The following DDX31 variants were observed in gnomAD, a reference collection of about 807,000 sequenced individuals.
The protein encoded by DDX31 is ATP-dependent DNA helicase DDX31.
A neutral mutation model predicts 91.3 loss-of-function variants in DDX31; 70 were observed. That is an observed-to-expected ratio of 0.77 (90% CI 0.63 to 0.94). DDX31 has a LOEUF of 0.94. Ranked by LOEUF, DDX31 falls within the 40% of genes least tolerant of loss-of-function variation. The pLI is 0.00. For missense variants in DDX31, 902 were observed against 925.0 expected, an observed-to-expected ratio of 0.98 and a Z score of 0.32; for synonymous variants, 362 against 350.6, an observed-to-expected ratio of 1.03 and a Z score of -0.36.
rs76450890 is a variant in DDX31, at chr9:132,619,936, C to T, written c.1714-1495G>A. Among the ~76,000 whole-genome samples the T allele has an allele frequency of 4.7e-3, 705 of 151,428 alleles. 5 individuals are homozygous for T. Among genetic ancestry groups the T allele is most frequent in the African/African-American group, 0.016 (660 of 41,200 alleles). ...TTAGCGAGGATGCCCTTTCCCCTGG[C>T]GGACAGAATCCTCTGTTATTAAAAA... On this transcript the variant is annotated intron_variant, in intron 17 of 19. Coordinates refer to ENST00000372159, the MANE Select transcript of DDX31 (RefSeq NM_022779.9).
rs1321495760 is a variant in DDX31 at position 132,593,650 on chromosome 9, C to T, written c.*1216G>A. The T allele has an allele frequency of 6.6e-6, 1 of 152,274 alleles. No homozygotes were observed. The highest frequency in any genetic ancestry group is 1.9e-4 in the East Asian group (1 of 5,174). 9.4% of individuals were successfully genotyped at this position (152,274 alleles called of 1,614,324 possible). On this transcript the variant is annotated 3_prime_UTR_variant, in exon 20 of 20. Coordinates refer to ENST00000372159, the MANE Select transcript of DDX31 (RefSeq NM_022779.9). ...GCCAGTGTGGGTGCCCACTGACATT[C>T]ACCTGTGTCTAGAACGGAGGCAAGG...
chr9:132,622,726 T>C (rs556701561), intron 17 of DDX31, among the ~76,000 whole-genome samples: 10 of 152,334 alleles, frequency 6.6e-5, no homozygotes, highest in African/African-American at 2.4e-4. Context: ...CTTATTATGA[T>C]ACAGCAAAAA....
At chr9:132,659,199 G>A (rs1230722076) in intron 5 of DDX31, among the ~76,000 whole-genome samples, 1 of 152,160 alleles carries the variant, frequency 6.6e-6, no homozygotes, top group Non-Finnish European at 1.5e-5. Flanking sequence ...AAAACTTTGG[G>A]TATCCAGCCT....
chr9:132,652,545 C>T (rs763291958), intron 6 of DDX31, 53 bp from the exon 7 acceptor site: 85 of 1,609,012 alleles, frequency 5.3e-5, no homozygotes, highest in Non-Finnish European at 7.0e-5. Flanking sequence ...AAGGCAGACT[C>T]CAAACGGACA....
At chr9:132,663,351 T>C (rs1835105759) in intron 1 of DDX31, 2 of 1,282,894 alleles carry the variant, frequency 1.6e-6, no homozygotes, top group Non-Finnish European at 2.0e-6. Context: ...ATCCATCACC[T>C]CTACCACAAT....
chr9:132,641,521 G>C (rs1833504599), intron 14 of DDX31, among the ~76,000 whole-genome samples: 1 of 152,230 alleles, frequency 6.6e-6, no homozygotes, highest in Non-Finnish European at 1.5e-5. Flanking sequence ...GGAGGAGGCA[G>C]CTATCCCGGA....
intron 17 of DDX31, among the ~76,000 whole-genome samples, chr9:132,621,076 A>G (rs996712107): frequency 3.9e-5 from 6 of 152,234 alleles, no homozygotes; most frequent in East Asian, 1.9e-4. Flanking sequence ...GTTTACAGGT[A>G]TATTTCACAG....
Position 132,594,971 on chromosome 9 carries a change from C to A in DDX31, c.2136G>T (p.Gln712His). The A allele has an allele frequency of 6.2e-7, 1 of 1,614,202 alleles. No individual in the cohort carries two copies. Among genetic ancestry groups the A allele is most frequent in the Non-Finnish European group, 8.5e-7 (1 of 1,180,040 alleles). ...APGEPGGRPL[Q>H]HSLQPTPCFG... ...AGCAGGGTGTCGGCTGCAGACTGTG[C>A]TGCAGGGGCCGGCCACCAGGCTCTC... The change falls in exon 20 of 20, where the codon CAG becomes CAT. Residue 712 changes from glutamine to histidine, a missense_variant. Transcript: ENST00000372159.
chr9:132,608,538 C>T (rs1389818797), intron 19 of DDX31, among the ~76,000 whole-genome samples: 1 of 152,156 alleles, frequency 6.6e-6, no homozygotes, highest in Non-Finnish European at 1.5e-5. Context: ...CTAATACCCG[C>T]CTGAGCTCCC....
chr9:132,636,655 A>G (rs556245543), intron 14 of DDX31, among the ~76,000 whole-genome samples: 28 of 152,328 alleles, frequency 1.8e-4, no homozygotes, highest in Non-Finnish European at 1.0e-4. Context: ...GCTCTGGACA[A>G]CAGGCTAAGA....
At chr9:132,648,811 T>C (rs1355944059) in intron 9 of DDX31, among the ~76,000 whole-genome samples, 3 of 152,150 alleles carry the variant, frequency 2.0e-5, no homozygotes, top group African/African-American at 7.2e-5. Context: ...AACTACATAA[T>C]CCAATGCTCT....
chr9:132,657,270 A>C (rs954524685), intron 6 of DDX31, among the ~76,000 whole-genome samples: 1 of 152,236 alleles, frequency 6.6e-6, no homozygotes, highest in East Asian at 1.9e-4. Context: ...ATTCAGGCTT[A>C]TAATTTCAGA....
chr9:132,655,995 G>A (rs986377939), intron 6 of DDX31, among the ~76,000 whole-genome samples: 1 of 152,138 alleles, frequency 6.6e-6, no homozygotes, highest in Admixed American at 6.5e-5. Flanking sequence ...GCTGTGTGAC[G>A]TTAGGAGATT....
chr9:132,632,242 A>G lies in DDX31; in HGVS notation c.1441-151T>C, dbSNP rs537296213. On this transcript the variant is annotated intron_variant, in intron 14 of 19. Coordinates refer to ENST00000372159, the MANE Select transcript of DDX31 (RefSeq NM_022779.9). ...ATACACGTATATGCCCAGTACGTGT[A>G]CACACACACACACACACACACACAC... is the stretch of plus-strand genomic sequence containing the variant. 4.7e-3 allele frequency: 833 copies of G among 175,464 alleles called. 28 individuals are homozygous for G. Among genetic ancestry groups the G allele is most frequent in the South Asian group, 9.7e-3 (123 of 12,714 alleles). The allele number at this position is 175,464 out of a possible 1,614,324, so 10.9% of individuals were successfully genotyped here.
At chr9:132,618,254 G>C (rs1831768654) in intron 18 of DDX31, 76 bp downstream of exon 18, 2 of 1,281,044 alleles carry the variant, frequency 1.6e-6, no homozygotes, top group Non-Finnish European at 2.2e-6. Flanking sequence ...AACCGGTTTG[G>C]GGGTATGTGG....
chr9:132,643,503 G>A (rs1023642235), intron 13 of DDX31, among the ~76,000 whole-genome samples: 8 of 152,220 alleles, frequency 5.3e-5, no homozygotes, highest in Non-Finnish European at 1.0e-4. Context: ...ACACCTCACT[G>A]AGTACACTGG....
At position 132,651,230 on chromosome 9, in the gene DDX31, G is replaced by GA. The variant is rs371174018; in HGVS notation, c.634-115dup. 66 of 870,808 alleles carry GA rather than the reference G, an allele frequency of 7.6e-5. 1 individual carries two copies. Among genetic ancestry groups the GA allele is most frequent in the African/African-American group, 2.4e-4 (14 of 57,424 alleles). 53.9% of individuals were successfully genotyped at this position (870,808 alleles called of 1,614,324 possible). ...TGGACCTCAAGTTAAGATTTAAGAA[G>GA]AAAAAAAATCCTATACACAGAATCT... On this transcript the variant is annotated intron_variant, in intron 7 of 19. Coordinates refer to ENST00000372159, the MANE Select transcript of DDX31 (RefSeq NM_022779.9).
At chr9:132,636,412 G>C (rs973509649) in intron 14 of DDX31, among the ~76,000 whole-genome samples, 1 of 152,252 alleles carries the variant, frequency 6.6e-6, no homozygotes, top group Non-Finnish European at 1.5e-5. Flanking sequence ...TGCAGTGGGA[G>C]ATCCACGTAG....
chr9:132,663,388 GTC>G, intron 1 of DDX31: 2 of 985,300 alleles, frequency 2.0e-6, no homozygotes, highest in Non-Finnish European at 2.4e-6. Flanking sequence ...TGCCTTTCGA[GTC>G]TCTGAGTCCC....
Sources: gnomAD v4.1 joint callset for allele counts (sites outside exome capture counted in the v4.1 genomes callset) on GRCh38, gnomAD v4.1.1 for gene constraint, MANE v1.5 for transcripts, NCBI Gene and HGNC (gene_info 2026-07-23, HGNC 2026-07-21) for gene names.